The following SDCCAG8 variants were observed in gnomAD, a reference collection of about 807,000 sequenced individuals.
The protein encoded by SDCCAG8 is SHH signaling and ciliogenesis regulator SDCCAG8, also known as serologically defined colon cancer antigen 8.
Under a neutral mutation model 101.8 loss-of-function variants are expected in SDCCAG8, and 74 were observed. The ratio of observed to expected loss-of-function variants is 0.73; its 90% CI spans 0.60 to 0.88. The LOEUF is 0.88. SDCCAG8 is among the 40% of genes least tolerant of loss of function. SDCCAG8 has a pLI of 0.00. For synonymous variants in SDCCAG8, 281 were observed against 292.9 expected, an observed-to-expected ratio of 0.96 and a Z score of 0.41; for missense variants, 787 against 822.6, an observed-to-expected ratio of 0.96 and a Z score of 0.53.
intron 16 of SDCCAG8, among the ~76,000 whole-genome samples, chr1:243,459,755 C>T (rs776101220): frequency 3.3e-5 from 5 of 152,092 alleles, no homozygotes; most frequent in Non-Finnish European, 5.9e-5. Flanking sequence ...TACAGGCGTA[C>T]CAACACCCTC....
At chr1:243,422,112 C>T (rs941514707) in intron 15 of SDCCAG8, among the ~76,000 whole-genome samples, 1 of 152,160 alleles carries the variant, frequency 6.6e-6, no homozygotes, top group African/African-American at 2.4e-5. Context: ...CAGGATAGAG[C>T]ATAGAACCAG....
At chr1:243,307,748 T>G in intron 7 of SDCCAG8, 3 of 1,410,386 alleles carry the variant, frequency 2.1e-6, no homozygotes, top group Non-Finnish European at 2.8e-6. Context: ...TATATTAAAA[T>G]CTTACAAGAA....
At chr1:243,366,718 T>C (rs2077007869) in intron 12 of SDCCAG8, among the ~76,000 whole-genome samples, 1 of 152,062 alleles carries the variant, frequency 6.6e-6, no homozygotes, top group African/African-American at 2.4e-5. Flanking sequence ...GACTTGCACT[T>C]GTTTTTTATC....
At chr1:243,491,842 C>T (rs1241770741) in intron 17 of SDCCAG8, among the ~76,000 whole-genome samples, 1 of 152,204 alleles carries the variant, frequency 6.6e-6, no homozygotes, top group Admixed American at 6.5e-5. Flanking sequence ...GTCCTCATGT[C>T]CGGGTTAGAG....
intron 1 of SDCCAG8, among the ~76,000 whole-genome samples, chr1:243,263,998 G>T (rs1173787180): frequency 6.6e-6 from 1 of 152,082 alleles, no homozygotes; most frequent in Admixed American, 6.5e-5. Context: ...CTGCATGTCT[G>T]CCCTAATCAA....
intron 8 of SDCCAG8, among the ~76,000 whole-genome samples, chr1:243,313,408 A>C (rs2072941575): frequency 6.6e-6 from 1 of 152,200 alleles, no homozygotes; most frequent in Admixed American, 6.5e-5. Context: ...GAGATTGTTA[A>C]GGGACTTTCT....
intron 5 of SDCCAG8, among the ~76,000 whole-genome samples, chr1:243,288,238 C>T (rs1157028639): frequency 3.9e-5 from 6 of 152,032 alleles, no homozygotes; most frequent in South Asian, 2.1e-4. Flanking sequence ...GATGATCACA[C>T]GAACGGATGG....
chr1:243,393,790 A>C (rs2147950870), intron 13 of SDCCAG8, among the ~76,000 whole-genome samples: 1 of 152,330 alleles, frequency 6.6e-6, no homozygotes, highest in East Asian at 1.9e-4. Flanking sequence ...TCTACCACAT[A>C]TGTCTTTCAC....
At position 243,499,494 on chromosome 1, in the gene SDCCAG8, A is replaced by ATTTAAGAGGCAGGCGTGTCTT. The variant is rs1553386850; in HGVS notation, c.2113-259_2113-239dup. 1.1e-3 allele frequency among the ~76,000 whole-genome samples: 166 copies of ATTTAAGAGGCAGGCGTGTCTT among 152,322 alleles called. 2 individuals are homozygous for ATTTAAGAGGCAGGCGTGTCTT. The highest frequency in any genetic ancestry group is 3.7e-3 in the African/African-American group (152 of 41,566). On this transcript the variant is annotated intron_variant, in intron 17 of 17. Transcript: ENST00000366541. ...CATGTCCTAACACCAGACTGTCCTT[A>ATTTAAGAGGCAGGCGTGTCTT]TTTAAGAGGCAGGCGTGTCTTTTGT...
At chr1:243,284,535 T>G (rs569251028) in intron 4 of SDCCAG8, among the ~76,000 whole-genome samples, 1 of 152,204 alleles carries the variant, frequency 6.6e-6, no homozygotes, top group Non-Finnish European at 1.5e-5. Context: ...CGTTCACAAG[T>G]GCTTCTCAGT....
At chr1:243,385,265 C>T (rs1054609869) in intron 13 of SDCCAG8, among the ~76,000 whole-genome samples, 3 of 152,040 alleles carry the variant, frequency 2.0e-5, no homozygotes, top group Non-Finnish European at 4.4e-5. Context: ...TGGTGCGCGC[C>T]TATAGTCCCA....
At chr1:243,301,757 AG>A (rs747445993) in intron 6 of SDCCAG8, among the ~76,000 whole-genome samples, 1,954 of 152,154 alleles carry the variant, frequency 0.013, 25 homozygotes, top group African/African-American at 0.03. Flanking sequence ...ATATAATTTG[AG>A]GAAAAAAAAA....
At chr1:243,409,626 A>T (rs1233029315) in intron 13 of SDCCAG8, among the ~76,000 whole-genome samples, 1 of 152,148 alleles carries the variant, frequency 6.6e-6, no homozygotes, top group Non-Finnish European at 1.5e-5. Context: ...TTTTGTGGAG[A>T]TAGAAAGCCA....
chr1:243,372,815 C>T (rs928532870), intron 12 of SDCCAG8, among the ~76,000 whole-genome samples: 3 of 150,360 alleles, frequency 2.0e-5, no homozygotes, highest in Admixed American at 6.7e-5. Flanking sequence ...CGCCATATAG[C>T]GAGACTTTGT....
intron 8 of SDCCAG8, among the ~76,000 whole-genome samples, chr1:243,313,809 G>A (rs532283864): frequency 6.6e-6 from 1 of 152,274 alleles, no homozygotes; most frequent in African/African-American, 2.4e-5. Context: ...ATCTAGAGCA[G>A]GACTGTAGCT....
intron 16 of SDCCAG8, among the ~76,000 whole-genome samples, chr1:243,427,948 C>T (rs910035399): frequency 6.6e-6 from 1 of 152,166 alleles, no homozygotes; most frequent in African/African-American, 2.4e-5. Flanking sequence ...CATAGTCTTC[C>T]TTGTTTTGTG....
intron 9 of SDCCAG8, 25 bp from the exon 10 acceptor site, chr1:243,330,515 C>T (rs1319271816): frequency 1.6e-5 from 26 of 1,613,830 alleles, no homozygotes; most frequent in Non-Finnish European, 2.1e-5. Flanking sequence ...CTAACCTCCT[C>T]TTTCAATCTG....
chr1:243,308,371 TCACTTTGAACAGAAACCATGC>T (rs1287870839), intron 8 of SDCCAG8, among the ~76,000 whole-genome samples, 194 bp downstream of exon 8: 1 of 152,256 alleles, frequency 6.6e-6, no homozygotes, highest in Non-Finnish European at 1.5e-5. Context: ...TGTCACCATG[TCACTTTGAACAGAAACCATGC>T]CACTTTGAAC....
At chr1:243,408,821 A>G (rs942792656) in intron 13 of SDCCAG8, among the ~76,000 whole-genome samples, 6 of 152,236 alleles carry the variant, frequency 3.9e-5, no homozygotes, top group Non-Finnish European at 8.8e-5. Context: ...AGGATTAAAT[A>G]AAAGAATGCA....
Sources: gnomAD v4.1 joint callset for allele counts (sites outside exome capture counted in the v4.1 genomes callset) on GRCh38, gnomAD v4.1.1 for gene constraint, MANE v1.5 for transcripts, NCBI Gene and HGNC (gene_info 2026-07-23, HGNC 2026-07-21) for gene names.